GLB1: variants seen among roughly 807,000 people sequenced by gnomAD.
The protein encoded by GLB1 is beta-galactosidase.
GLB1 carries 56 observed loss-of-function variants against 74.0 expected under a neutral mutation model. That is an observed-to-expected ratio of 0.76 (90% CI 0.61 to 0.94). The LOEUF (loss-of-function observed/expected upper bound fraction) is 0.94, where lower values mean the gene tolerates loss of function less well. GLB1 is among the 40% of genes least tolerant of loss of function. The pLI, the probability that GLB1 is intolerant of heterozygous loss-of-function variation, is 0.00. For missense variants in GLB1, 787 were observed against 845.5 expected (o/e 0.93, Z 0.86); for synonymous variants, 323 against 323.6 (o/e 1.00, Z 0.02).
rs920056427 is a variant in GLB1, at chr3:33,093,575, G to A, written c.75+3436C>T. 5 of 1,614,078 alleles carry A rather than the reference G, an allele frequency of 3.1e-6. No homozygotes were observed. In the East Asian group the frequency reaches 8.9e-5, roughly 29 times the overall value. Reference sequence around the variant, plus strand: ...GAATGTCTGAGAGGAGCACGATCTTGAGGTTGTTCATTGAGGCAGGCAGCT... The same window carrying A: ...GAATGTCTGAGAGGAGCACGATCTTAAGGTTGTTCATTGAGGCAGGCAGCT... On this transcript the variant is annotated intron_variant, in intron 1 of 15. Coordinates refer to ENST00000307363, the MANE Select transcript of GLB1 (RefSeq NM_000404.4). The surrounding 1 kb of genome is among the most constrained non-coding windows in gnomAD (Gnocchi z 6.0).
intron 1 of GLB1, among the ~76,000 whole-genome samples, chr3:33,082,068 C>G (rs1700342089): frequency 6.6e-6 from 1 of 152,218 alleles, no homozygotes; most frequent in African/African-American, 2.4e-5. Context: ...CAACAAGACT[C>G]AGGGTAACTG....
chr3:33,077,166 T>C, intron 1 of GLB1: 2 of 1,458,540 alleles, frequency 1.4e-6, no homozygotes, highest in Non-Finnish European at 1.8e-6. Context: ...TCTTGGTACC[T>C]CTTTTGTGAA....
At chr3:33,074,389 G>GAAGGAAGGAAGA (rs1553612831) in intron 1 of GLB1, among the ~76,000 whole-genome samples, 8 of 38,914 alleles carry the variant, frequency 2.1e-4, no homozygotes, top group African/African-American at 7.4e-4. Flanking sequence ...AGGAAGGAAG[G>GAAGGAAGGAAGA]AAGAAAGAAA....
At chr3:33,066,218 G>A (rs557639326) in intron 4 of GLB1, among the ~76,000 whole-genome samples, 19 of 152,246 alleles carry the variant, frequency 1.2e-4, no homozygotes, top group Admixed American at 3.9e-4. Context: ...TGTTGAAATC[G>A]AATCCCCAAT....
At chr3:32,976,081 G>A in the GLB1 span, among the ~76,000 whole-genome samples, 3 of 152,074 alleles carry the variant, frequency 2.0e-5, no homozygotes, top group South Asian at 4.1e-4. Context: ...GCAATTTTGC[G>A]AGTGTGACTC....
At chr3:33,021,469 T>A in intron 12 of GLB1, 97 bp downstream of exon 12, 3 of 1,321,994 alleles carry the variant, frequency 2.3e-6, no homozygotes, top group Non-Finnish European at 3.2e-6. Flanking sequence ...TTGCTTACCA[T>A]TTTGGCCCCT....
chr3:32,981,417 G>GA, the GLB1 span, among the ~76,000 whole-genome samples: 1 of 113,528 alleles, frequency 8.8e-6, no homozygotes, highest in Non-Finnish European at 1.9e-5. Context: ...AAAAAAAAAA[G>GA]AAAAAGAAAA....
chr3:33,096,339 C>T (rs1559425502), intron 1 of GLB1: 5 of 964,188 alleles, frequency 5.2e-6, no homozygotes, highest in Non-Finnish European at 4.9e-6. Flanking sequence ...CGCACCTCAC[C>T]TATTCGCCTC....
At chr3:33,063,678 A>G (rs900116183) in intron 5 of GLB1, among the ~76,000 whole-genome samples, 1 of 152,228 alleles carries the variant, frequency 6.6e-6, no homozygotes, top group African/African-American at 2.4e-5. Flanking sequence ...GGGCATCAAA[A>G]GAGGGTTTGC....
chr3:33,030,662 C>G, intron 10 of GLB1: 5 of 985,392 alleles, frequency 5.1e-6, no homozygotes, highest in Non-Finnish European at 6.0e-6. Context: ...TGTGGCTGTT[C>G]TCCCATCCCC....
chr3:33,059,827 A>G (rs957999193), intron 5 of GLB1, among the ~76,000 whole-genome samples: 12 of 152,250 alleles, frequency 7.9e-5, no homozygotes, highest in Non-Finnish European at 1.5e-4. Context: ...ATACCCAACC[A>G]TAACATTTTA....
chr3:32,970,131 AT>A, the GLB1 span, among the ~76,000 whole-genome samples: 1 of 152,228 alleles, frequency 6.6e-6, no homozygotes, highest in Non-Finnish European at 1.5e-5. Context: ...ATGAACCAAC[AT>A]TTGTGGCTGA....
chr3:33,033,978 T>A, intron 10 of GLB1: 1 of 555,642 alleles, frequency 1.8e-6, no homozygotes, highest in South Asian at 1.4e-5. Context: ...TCCGTCAAAA[T>A]CTTCAAAGTG....
intron 3 of GLB1, 34 bp downstream of exon 3, chr3:33,068,786 C>G (rs1699788400): frequency 6.2e-7 from 1 of 1,612,962 alleles, no homozygotes; most frequent in Admixed American, 1.7e-5. Flanking sequence ...CCAGCTCACA[C>G]ACACCAGGTA....
At chr3:32,985,920 C>A in the GLB1 span, among the ~76,000 whole-genome samples, 1 of 152,148 alleles carries the variant, frequency 6.6e-6, no homozygotes, top group African/African-American at 2.4e-5. Flanking sequence ...CCATGTTGGC[C>A]AGGCTGGTCT....
At chr3:33,094,221 C>T in intron 1 of GLB1, 2 of 1,570,318 alleles carry the variant, frequency 1.3e-6, no homozygotes, top group East Asian at 4.5e-5. Context: ...TAGGCTCCCC[C>T]ACCAGTTCTG....
At chr3:32,976,966 TA>T in the GLB1 span, among the ~76,000 whole-genome samples, 1 of 152,158 alleles carries the variant, frequency 6.6e-6, no homozygotes. Context: ...AATGCTTCTG[TA>T]AAGTTTTTAC....
At chr3:33,088,683 G>A in intron 1 of GLB1, among the ~76,000 whole-genome samples, 1 of 152,066 alleles carries the variant, frequency 6.6e-6, no homozygotes, top group Non-Finnish European at 1.5e-5. Context: ...GGAGTGGAAG[G>A]TTCATATTGT....
intron 1 of GLB1, chr3:33,090,600 C>T: frequency 3.0e-6 from 3 of 985,338 alleles, no homozygotes; most frequent in Non-Finnish European, 3.6e-6. Context: ...TTCTCACCAC[C>T]TCCCCCGGCC....
Sources: gnomAD v4.1 joint callset for allele counts (sites outside exome capture counted in the v4.1 genomes callset) on GRCh38, gnomAD v4.1.1 for gene constraint, Gnocchi (gnomAD v3.1) non-coding constraint, MANE v1.5 for transcripts, NCBI Gene and HGNC (gene_info 2026-07-23, HGNC 2026-07-21) for gene names.